The following HMCN1 variants were observed in gnomAD, a reference collection of about 807,000 sequenced individuals.
The protein encoded by HMCN1 is hemicentin 1, also known as hemicentin-1.
In HMCN1, 321 loss-of-function variants were observed where a neutral mutation model predicts 625.9. That is an observed-to-expected ratio of 0.51 (90% CI 0.47 to 0.56). HMCN1 has a LOEUF of 0.56. HMCN1 is among the 20% of genes least tolerant of loss of function. HMCN1 has a pLI of 0.00. For missense variants in HMCN1, 6,588 were observed against 6,887.3 expected, an observed-to-expected ratio of 0.96 and a Z score of 1.54; for synonymous variants, 2,425 against 2,417.6, an observed-to-expected ratio of 1.00 and a Z score of -0.09.
intron 11 of HMCN1, among the ~76,000 whole-genome samples, chr1:185,948,001 G>C (rs1386624440): frequency 2.0e-5 from 3 of 152,164 alleles, no homozygotes; most frequent in Non-Finnish European, 4.4e-5. Flanking sequence ...TAAGCTGATT[G>C]ACCTAAATCA....
At chr1:185,781,799 T>C (rs1017536214) in intron 1 of HMCN1, among the ~76,000 whole-genome samples, 1 of 152,210 alleles carries the variant, frequency 6.6e-6, no homozygotes, top group African/African-American at 2.4e-5. Flanking sequence ...AAGTGCGATG[T>C]GGTGCTGAGA....
intron 105 of HMCN1, among the ~76,000 whole-genome samples, chr1:186,184,516 G>A (rs772609544): frequency 7.9e-5 from 12 of 152,106 alleles, no homozygotes; most frequent in Non-Finnish European, 1.8e-4. Context: ...ACAGAGAGGA[G>A]AAACTAAAGG....
At chr1:185,934,010 A>G (rs1019277439) in intron 11 of HMCN1, among the ~76,000 whole-genome samples, 186 bp downstream of exon 11, 2 of 152,200 alleles carry the variant, frequency 1.3e-5, no homozygotes, top group Non-Finnish European at 2.9e-5. Flanking sequence ...AAATGTCACT[A>G]ACAAATAGGT....
At chr1:185,977,669 CA>C (rs1651314003) in intron 15 of HMCN1, 117 bp from the exon 16 acceptor site, 2 of 747,772 alleles carry the variant, frequency 2.7e-6, no homozygotes, top group Admixed American at 4.0e-5. Flanking sequence ...GGTAAATTTA[CA>C]ATATAATATG....
chr1:185,770,586 C>T (rs984955095), intron 1 of HMCN1, among the ~76,000 whole-genome samples: 3 of 152,098 alleles, frequency 2.0e-5, no homozygotes, highest in Non-Finnish European at 2.9e-5. Flanking sequence ...TTCTGAGAAA[C>T]CTGATCTTTT....
At chr1:185,927,067 T>G (rs1667314080) in intron 9 of HMCN1, among the ~76,000 whole-genome samples, 1 of 152,206 alleles carries the variant, frequency 6.6e-6, no homozygotes, top group Non-Finnish European at 1.5e-5. Context: ...ACAAATTACT[T>G]GTCCTTTCTG....
rs117168240 is a variant in HMCN1 at position 185,747,847 on chromosome 1, C to T, written c.268+12800C>T. ...ATTAGCAGTAAGTCTCTGAGAACTT[C>T]GCTTTAAGCACTGTTTTATAGCAGG... On this transcript the variant is annotated intron_variant, in intron 1 of 106. Transcript: ENST00000271588. Among the ~76,000 whole-genome samples the T allele has an allele frequency of 9.2e-5, 14 of 152,110 alleles. No homozygotes were observed. The East Asian group carries it at 2.1e-3, about 23-fold the overall frequency.
chr1:185,994,947 TTGA>T lies in HMCN1; in HGVS notation c.3641_3643del (p.Asp1214del). 1 of 1,613,940 alleles carries T rather than the reference TTGA, an allele frequency of 6.2e-7. No homozygotes were observed. Among genetic ancestry groups the T allele is most frequent in the Non-Finnish European group, 8.5e-7 (1 of 1,179,850 alleles). ...TCCAAAGGTGGAAGCACTATGCTGG[TTGA>T]TGGAGAGCACCATGTTAGCAATCCA... is the stretch of plus-strand genomic sequence containing the variant. On this transcript the variant is annotated inframe_deletion, in exon 24 of 107. Coordinates refer to ENST00000271588, the MANE Select transcript of HMCN1 (RefSeq NM_031935.3).
intron 11 of HMCN1, among the ~76,000 whole-genome samples, chr1:185,962,064 T>C (rs1216042859): frequency 6.6e-6 from 1 of 152,192 alleles, no homozygotes; most frequent in African/African-American, 2.4e-5. Flanking sequence ...ATAACAAAGT[T>C]ATGATCAAAT....
chr1:185,865,915 A>G, intron 4 of HMCN1, 52 bp downstream of exon 4: 1 of 1,584,254 alleles, frequency 6.3e-7, no homozygotes, highest in Non-Finnish European at 8.7e-7. Context: ...TATCAAAATC[A>G]GTTAGGCCAG....
intron 11 of HMCN1, among the ~76,000 whole-genome samples, chr1:185,959,949 A>T (rs1346076745): frequency 6.6e-6 from 1 of 152,044 alleles, no homozygotes; most frequent in Non-Finnish European, 1.5e-5. Context: ...TTTTTCTAGG[A>T]ATTAAAAAAT....
chr1:185,904,116 C>T (rs12120664), intron 4 of HMCN1, among the ~76,000 whole-genome samples: 1,659 of 151,940 alleles, frequency 0.011, 19 homozygotes, highest in Non-Finnish European at 0.018. Flanking sequence ...TTCAAATGAA[C>T]GACAGATTCA....
At chr1:186,083,744 G>C (rs1659312983) in intron 57 of HMCN1, among the ~76,000 whole-genome samples, 1 of 152,030 alleles carries the variant, frequency 6.6e-6, no homozygotes, top group Admixed American at 6.6e-5. Flanking sequence ...ATTCTTCTTT[G>C]GTGTGATATG....
chr1:186,033,540 A>G (rs887264130), intron 36 of HMCN1, among the ~76,000 whole-genome samples: 2 of 152,130 alleles, frequency 1.3e-5, no homozygotes, highest in Non-Finnish European at 2.9e-5. Flanking sequence ...TGTGGATGCT[A>G]TGTAATTAAT....
chr1:185,761,340 G>T (rs978492114), intron 1 of HMCN1, among the ~76,000 whole-genome samples: 4 of 151,814 alleles, frequency 2.6e-5, no homozygotes, highest in African/African-American at 9.7e-5. Flanking sequence ...TGCTAAAGAT[G>T]TTTAGACTTG....
chr1:186,123,933 C>A (rs926306327), intron 81 of HMCN1, among the ~76,000 whole-genome samples: 2 of 151,930 alleles, frequency 1.3e-5, no homozygotes, highest in Admixed American at 1.3e-4. Context: ...TTTTCTGTAA[C>A]TTCATAGTAA....
intron 36 of HMCN1, among the ~76,000 whole-genome samples, chr1:186,027,832 TA>T (rs1343143756): frequency 2.0e-5 from 3 of 152,164 alleles, no homozygotes; most frequent in Non-Finnish European, 4.4e-5. Flanking sequence ...GAGCACCCCT[TA>T]TTTTTTTATT....
intron 71 of HMCN1, among the ~76,000 whole-genome samples, chr1:186,110,390 T>G (rs1310261679): frequency 1.3e-5 from 2 of 152,030 alleles, no homozygotes; most frequent in Non-Finnish European, 2.9e-5. Flanking sequence ...GAAATAGGAT[T>G]AAAAGTAGGA....
At chr1:186,054,254 G>T (rs1657158681) in intron 44 of HMCN1, among the ~76,000 whole-genome samples, 1 of 151,956 alleles carries the variant, frequency 6.6e-6, no homozygotes, top group African/African-American at 2.4e-5. Flanking sequence ...ACAGATAGTG[G>T]ACATGTGGAG....
Sources: gnomAD v4.1 joint callset for allele counts (sites outside exome capture counted in the v4.1 genomes callset) on GRCh38, gnomAD v4.1.1 for gene constraint, MANE v1.5 for transcripts, NCBI Gene and HGNC (gene_info 2026-07-23, HGNC 2026-07-21) for gene names.